Variants in TTLL5 observed in about 807,000 individuals in gnomAD.
TTLL5 encodes the protein tubulin tyrosine ligase like 5.
Under a neutral mutation model 168.4 loss-of-function variants are expected in TTLL5, and 132 were observed. That is an observed-to-expected ratio of 0.78 (90% CI 0.68 to 0.91). The LOEUF (loss-of-function observed/expected upper bound fraction) is 0.91. Among genes scored for constraint, TTLL5 ranks in the 40% least tolerant of loss-of-function variants. The pLI is 0.00. For missense variants in TTLL5, 1,545 were observed against 1,581.5 expected (o/e 0.98, Z 0.39); for synonymous variants, 546 against 558.6 (o/e 0.98, Z 0.32).
chr14:75,779,199 G>A (rs949046692), intron 23 of TTLL5, among the ~76,000 whole-genome samples: 2 of 152,200 alleles, frequency 1.3e-5, no homozygotes, highest in Admixed American at 1.3e-4. Context: ...GTAGTTGTTT[G>A]CCGCCTGTTC....
chr14:75,810,951 A>G (rs1189611991), intron 27 of TTLL5, among the ~76,000 whole-genome samples: 1 of 152,164 alleles, frequency 6.6e-6, no homozygotes, highest in Non-Finnish European at 1.5e-5. Context: ...CTAGTCACTG[A>G]TCATTTTATT....
rs149749272 is a variant in TTLL5 at position 75,707,665 on chromosome 14, A to G, written c.698A>G (p.Tyr233Cys). Reference sequence around the variant, plus strand: ...CGCCTCTATGTGCTCGTGACTTCCTATGATCCTCTTGTCATCTATCTCTAT... The same window carrying G: ...CGCCTCTATGTGCTCGTGACTTCCTGTGATCCTCTTGTCATCTATCTCTAT... ...DVRLYVLVTS[Y>C]DPLVIYLYEE... Residue 233 changes from tyrosine to cysteine, a missense_variant, in exon 9 of 32, where the codon TAT (tyrosine) becomes TGT (cysteine). Tyr to Cys is a radical substitution (Grantham distance 194, BLOSUM62 -2). Coordinates refer to ENST00000298832, the MANE Select transcript of TTLL5 (RefSeq NM_015072.5). 7 of 1,579,000 alleles carry G rather than the reference A, an allele frequency of 4.4e-6. No homozygotes were observed. The highest frequency in any genetic ancestry group is 1.4e-5 in the African/African-American group (1 of 73,180).
At chr14:75,797,060 G>A (rs922355160) in intron 27 of TTLL5, among the ~76,000 whole-genome samples, 2 of 152,196 alleles carry the variant, frequency 1.3e-5, no homozygotes, top group African/African-American at 4.8e-5. Context: ...AGCATGGGAT[G>A]TGTTTCCATT....
At chr14:75,714,784 G>A (rs1443084540) in intron 9 of TTLL5, among the ~76,000 whole-genome samples, 1 of 152,130 alleles carries the variant, frequency 6.6e-6, no homozygotes, top group Non-Finnish European at 1.5e-5. Flanking sequence ...AGGAGCACTG[G>A]TTGCTTTTTC....
chr14:75,862,177 A>G (rs755713642), intron 28 of TTLL5, among the ~76,000 whole-genome samples: 1 of 152,210 alleles, frequency 6.6e-6, no homozygotes, highest in Non-Finnish European at 1.5e-5. Flanking sequence ...GTGCTGCAGC[A>G]TATGTCAGAA....
chr14:75,921,153 A>C (rs112145491), intron 31 of TTLL5, among the ~76,000 whole-genome samples: 8 of 152,092 alleles, frequency 5.3e-5, no homozygotes, highest in African/African-American at 1.9e-4. Flanking sequence ...AGATTGCAAA[A>C]ATTTTCTCCC....
At chr14:75,707,395 A>G (rs184124412) in intron 8 of TTLL5, among the ~76,000 whole-genome samples, 157 of 152,208 alleles carry the variant, frequency 1.0e-3, no homozygotes, top group Admixed American at 2.0e-3. Context: ...TAATGTATAT[A>G]TACATTATAC....
chr14:75,925,596 G>A (rs1219127097), intron 31 of TTLL5, among the ~76,000 whole-genome samples: 11 of 148,766 alleles, frequency 7.4e-5, no homozygotes, highest in African/African-American at 2.5e-4. Context: ...GTCTCCTCAC[G>A]TCCCAGACGA....
intron 9 of TTLL5, chr14:75,710,938 A>G (rs1186519108): frequency 6.6e-6 from 1 of 152,246 alleles, no homozygotes; most frequent in Non-Finnish European, 1.5e-5. Flanking sequence ...TTCCTTCTTT[A>G]GAAATGAATT....
chr14:75,768,674 G>A (rs1891105235), intron 20 of TTLL5, among the ~76,000 whole-genome samples: 1 of 152,108 alleles, frequency 6.6e-6, no homozygotes. Flanking sequence ...AAAGTGCTAT[G>A]GGATGAATGA....
chr14:75,911,992 A>G (rs2033407259), intron 31 of TTLL5, among the ~76,000 whole-genome samples: 2 of 152,226 alleles, frequency 1.3e-5, no homozygotes. Flanking sequence ...CTCAAGAGCC[A>G]GACCTCCTGA....
chr14:75,952,461 T>TA (rs2034991336), intron 31 of TTLL5, among the ~76,000 whole-genome samples: 1 of 152,256 alleles, frequency 6.6e-6, no homozygotes, highest in Non-Finnish European at 1.5e-5. Context: ...GACAGTTCCT[T>TA]AAACAGTTTA....
intron 1 of TTLL5, among the ~76,000 whole-genome samples, chr14:75,662,617 G>A (rs546406274): frequency 1.3e-5 from 2 of 152,108 alleles, no homozygotes; most frequent in African/African-American, 4.8e-5. Flanking sequence ...GGGATTACAG[G>A]CGTGAGCCAC....
chr14:75,821,670 C>T (rs1595098790), intron 28 of TTLL5, among the ~76,000 whole-genome samples: 1 of 152,054 alleles, frequency 6.6e-6, no homozygotes, highest in East Asian at 1.9e-4. Context: ...CTTTTGGTAG[C>T]GCCTGTTAGT....
intron 29 of TTLL5, among the ~76,000 whole-genome samples, chr14:75,873,365 C>A (rs1410243514): frequency 6.6e-6 from 1 of 152,204 alleles, no homozygotes; most frequent in African/African-American, 2.4e-5. Flanking sequence ...TGAGCCACCA[C>A]GCCCGGCCCT....
chr14:75,776,804 G>C lies in TTLL5; in HGVS notation c.2341G>C (p.Asp781His), dbSNP rs1376633994. Residue 781 changes from aspartate to histidine, a missense_variant, in exon 23 of 32, where the codon GAT (aspartate) becomes CAT (histidine). Coordinates refer to ENST00000298832, the MANE Select transcript of TTLL5 (RefSeq NM_015072.5). ...GAAGAAAGTTGAGGAAGAAGAGGAAGATGGGGTGAATATGGAAAACTTTCA... is the reference window on the plus strand; with the variant it reads ...GAAGAAAGTTGAGGAAGAAGAGGAACATGGGGTGAATATGGAAAACTTTCA... ...SKKKVEEEEE[D>H]GVNMENFQEF... is the part of the protein sequence containing the mutation. 1.2e-6 allele frequency: 2 copies of C among 1,614,002 alleles called. No individual in the cohort carries two copies. The highest frequency in any genetic ancestry group is 2.2e-5 in the South Asian group (2 of 91,064).
intron 28 of TTLL5, among the ~76,000 whole-genome samples, chr14:75,844,672 T>G (rs1196183946): frequency 1.3e-5 from 2 of 152,208 alleles, no homozygotes. Context: ...AGTCTGGCAT[T>G]TAGAAAGCCC....
At chr14:75,755,275 T>A (rs5029248) in intron 18 of TTLL5, among the ~76,000 whole-genome samples, 1,389 of 11,266 alleles carry the variant, frequency 0.12, 25 homozygotes, top group African/African-American at 0.21. Flanking sequence ...CCAAAAATAA[T>A]AATAATAATA....
At chr14:75,700,088 C>G (rs1343987271) in intron 7 of TTLL5, among the ~76,000 whole-genome samples, 1 of 152,100 alleles carries the variant, frequency 6.6e-6, no homozygotes, top group East Asian at 1.9e-4. Flanking sequence ...TTTATTTTAT[C>G]TATAAGTTGA....
Sources: gnomAD v4.1 joint callset for allele counts (sites outside exome capture counted in the v4.1 genomes callset) on GRCh38, gnomAD v4.1.1 for gene constraint, MANE v1.5 for transcripts, NCBI Gene and HGNC (gene_info 2026-07-23, HGNC 2026-07-21) for gene names.